The following DGAT1 variants were observed in gnomAD, a reference collection of about 807,000 sequenced individuals.
DGAT1 encodes the protein diacylglycerol O-acyltransferase 1, also known as ACAT related gene product 1.
DGAT1 carries 60 observed loss-of-function variants against 72.6 expected under a neutral mutation model. The observed-to-expected ratio is 0.83, with a 90% CI of 0.67 to 1.02. The LOEUF is 1.02. Ranked by LOEUF, DGAT1 falls within the 50% of genes least tolerant of loss-of-function variation. The pLI, the probability that DGAT1 is intolerant of heterozygous loss-of-function variation, is 0.00. For missense variants in DGAT1, 592 were observed against 670.0 expected (o/e 0.88, Z 1.29); for synonymous variants, 290 against 267.5 (o/e 1.08, Z -0.82).
intron 2 of DGAT1, among the ~76,000 whole-genome samples, chr8:144,321,094 G>A (rs544984706): frequency 6.6e-6 from 1 of 152,344 alleles, no homozygotes; most frequent in African/African-American, 2.4e-5. Flanking sequence ...CAAGTATGTG[G>A]TGCATGGGCA....
At position 144,316,118 on chromosome 8, in the gene DGAT1, G is replaced by A. The variant is rs1431287497; in HGVS notation, c.*436C>T. ...TTCTAGGTAGGGGAGTGTGGGGAATGGGGGCGTCTGCCTGGCCTTGCACTC... is the reference window on the plus strand; with the variant it reads ...TTCTAGGTAGGGGAGTGTGGGGAATAGGGGCGTCTGCCTGGCCTTGCACTC... On this transcript the variant is annotated 3_prime_UTR_variant, in exon 17 of 17. Coordinates refer to ENST00000528718, the MANE Select transcript of DGAT1 (RefSeq NM_012079.6). 1.4e-5 allele frequency: 3 copies of A among 212,820 alleles called. No individual in the cohort carries two copies. The highest frequency in any genetic ancestry group is 5.5e-5 in the Admixed American group (1 of 18,232). The allele number at this position is 212,820 out of a possible 1,614,324, so 13.2% of individuals were successfully genotyped here.
chr8:144,321,530 A>C, intron 1 of DGAT1, 122 bp from the exon 2 acceptor site: 1 of 860,206 alleles, frequency 1.2e-6, no homozygotes, highest in Non-Finnish European at 1.9e-6. Flanking sequence ...CTTATTTACA[A>C]CCAGGAGGAG....
In DGAT1 at chr8:144,318,131, G is replaced by A; in HGVS notation, c.715C>T (p.His239Tyr). Residue 239 changes from histidine (H) to tyrosine (Y), a missense_variant, in exon 8 of 17, where the codon CAC becomes TAC. His to Tyr is a moderately conservative substitution (Grantham distance 83, BLOSUM62 2). Coordinates refer to ENST00000528718, the MANE Select transcript of DGAT1 (RefSeq NM_012079.6). ...AGATTGTCCGGGTAGCTCACGGTGT[G>A]CGGGGCAGCAGCACTGCTGGCCTTC... ...GKKASSAAAP[H>Y]TVSYPDNLTY... is the part of the protein sequence containing the mutation. 1 of 1,554,790 alleles carries A rather than the reference G, an allele frequency of 6.4e-7. No individual in the cohort carries two copies. Among genetic ancestry groups the A allele is most frequent in the African/African-American group, 1.4e-5 (1 of 73,178 alleles).
intron 1 of DGAT1, among the ~76,000 whole-genome samples, chr8:144,323,170 G>A (rs577848558): frequency 6.6e-6 from 1 of 152,328 alleles, no homozygotes; most frequent in African/African-American, 2.4e-5. Flanking sequence ...TTTCACAGCA[G>A]TATGACCCCT....
chr8:144,319,717 C>T (rs1554847904), intron 2 of DGAT1, among the ~76,000 whole-genome samples: 1 of 152,192 alleles, frequency 6.6e-6, no homozygotes, highest in African/African-American at 2.4e-5. Flanking sequence ...GACTGAGCCC[C>T]CATGGAATAA....
At chr8:144,321,499 G>A (rs1030841601) in intron 1 of DGAT1, 91 bp from the exon 2 acceptor site, 91 of 1,183,760 alleles carry the variant, frequency 7.7e-5, no homozygotes, top group Middle Eastern at 2.0e-4. Flanking sequence ...CAGTGTCCTC[G>A]TCTGCCCTCA....
In DGAT1 at chr8:144,315,346, A is replaced by C. The variant is rs1817163975; in HGVS notation, c.*1208T>G. On this transcript the variant is annotated 3_prime_UTR_variant, in exon 17 of 17. Transcript: ENST00000528718. Reference sequence around the variant, plus strand: ...GGCCCACCAGCCCCCACTGGGGTAGAGGGAGGATACCACCAAGGGAGCCCA... The same window carrying C: ...GGCCCACCAGCCCCCACTGGGGTAGCGGGAGGATACCACCAAGGGAGCCCA... The C allele has an allele frequency of 4.1e-6, 4 of 985,366 alleles. No individual in the cohort carries two copies. Among genetic ancestry groups the C allele is most frequent in the Non-Finnish European group, 2.4e-6 (2 of 829,976 alleles). The allele number at this position is 985,366 out of a possible 1,614,324, so 61.0% of individuals were successfully genotyped here. A position where few individuals can be genotyped will look rare whatever the true frequency, so the allele number is the denominator to read the frequency against.
At position 144,317,598 on chromosome 8, in the gene DGAT1, C is replaced by A; in HGVS notation, c.937-10G>T. The A allele has an allele frequency of 6.8e-6, 11 of 1,613,916 alleles. No homozygotes were observed. The highest frequency in any genetic ancestry group is 9.3e-6 in the Non-Finnish European group (11 of 1,180,024). On this transcript the variant is annotated splice_polypyrimidine_tract_variant and intron_variant, in intron 11 of 16. Coordinates refer to ENST00000528718, the MANE Select transcript of DGAT1 (RefSeq NM_012079.6). ...GTGAGTAGTCCATGTCCTGCAGAAA[C>A]AAGCCCTTCAGCTAGCCATGCTCCT... is the stretch of plus-strand genomic sequence containing the variant.
chr8:144,318,383 G>C (rs782071957), intron 6 of DGAT1, 21 bp from the exon 7 acceptor site: 2 of 1,609,392 alleles, frequency 1.2e-6, no homozygotes, highest in Non-Finnish European at 1.7e-6. Context: ...GGTGGACTCA[G>C]GCCTCCACAG....
In DGAT1 at chr8:144,318,090, C is replaced by G; in HGVS notation, c.751+5G>C. The stretch of plus-strand genomic sequence containing the variant: ...CCCGCACCTCAGGCCCACAGAGGTC[C>G]TCACCGCGGTAGGTCAGATTGTCCG... On this transcript the variant is annotated splice_donor_5th_base_variant and intron_variant, in intron 8 of 16. Transcript: ENST00000528718. 6.5e-7 allele frequency: 1 copy of G among 1,527,234 alleles called. No homozygotes were observed. Among genetic ancestry groups the G allele is most frequent in the Non-Finnish European group, 8.8e-7 (1 of 1,138,364 alleles). 94.6% of individuals were successfully genotyped at this position (1,527,234 alleles called of 1,614,324 possible).
rs782498938 is a variant in DGAT1, at chr8:144,317,345, T to C, written c.1082A>G (p.Tyr361Cys). The C allele has an allele frequency of 1.2e-6, 2 of 1,613,580 alleles. No homozygotes were observed. The highest frequency in any genetic ancestry group is 1.7e-6 in the Non-Finnish European group (2 of 1,179,884). Reference protein sequence around the residue: ...ELMQFGDREFYRDWWNSESVT... With the variant: ...ELMQFGDREFCRDWWNSESVT... ...CAGGGACACTCACCACCAGTCCCGG[T>C]AGAACTCCCGGTCTCCAAACTGCAT... is the stretch of plus-strand genomic sequence containing the variant. Residue 361 changes from tyrosine (Y) to cysteine (C), a missense_variant, in exon 13 of 17, where the codon TAC becomes TGC. Tyr to Cys is a radical substitution (Grantham distance 194). Coordinates refer to ENST00000528718, the MANE Select transcript of DGAT1 (RefSeq NM_012079.6).
In DGAT1 at chr8:144,314,810, G is replaced by A. The variant is rs553733937; in HGVS notation, c.*1744C>T. 9.6e-6 allele frequency: 7 copies of A among 726,236 alleles called. No homozygotes were observed. The highest frequency in any genetic ancestry group is 5.7e-5 in the Admixed American group (1 of 17,602). The allele number at this position is 726,236 out of a possible 1,614,324, so 45.0% of individuals were successfully genotyped here. A position where few individuals can be genotyped will look rare whatever the true frequency, so the allele number is the denominator to read the frequency against. The stretch of plus-strand genomic sequence containing the variant: ...GCCCAGGGCACAGAAGGGCCGGGCT[G>A]CAGTGGCCTCCTGGGGGAAGACGGA... On this transcript the variant is annotated 3_prime_UTR_variant, in exon 17 of 17. Transcript: ENST00000528718.
intron 12 of DGAT1, 23 bp downstream of exon 12, chr8:144,317,521 A>G (rs1161323103): frequency 3.1e-6 from 5 of 1,613,678 alleles, no homozygotes; most frequent in African/African-American, 2.7e-5. Context: ...TGTCCTGTGC[A>G]TGCGCCACCT....
rs782707652 is a variant in DGAT1 at position 144,318,096 on chromosome 8, G to T, written c.750C>A (p.Arg250=). 2.6e-6 allele frequency: 4 copies of T among 1,530,056 alleles called. No individual in the cohort carries two copies. The highest frequency in any genetic ancestry group is 4.5e-5 in the East Asian group (2 of 44,208). The allele number at this position is 1,530,056 out of a possible 1,614,324, so 94.8% of individuals were successfully genotyped here. A position where few individuals can be genotyped will look rare whatever the true frequency, so the allele number is the denominator to read the frequency against. The change falls in exon 8 of 17, where the codon CGC becomes CGA. Residue 250 remains arginine (R), a splice_region_variant and synonymous_variant. Transcript: ENST00000528718. ...TVSYPDNLTY[R]DLYYFLFAPT... is the part of the protein sequence containing the mutation. Reference sequence around the variant, plus strand: ...CCTCAGGCCCACAGAGGTCCTCACCGCGGTAGGTCAGATTGTCCGGGTAGC... The same window carrying T: ...CCTCAGGCCCACAGAGGTCCTCACCTCGGTAGGTCAGATTGTCCGGGTAGC...
chr8:144,319,084 A>G lies in DGAT1; in HGVS notation c.289-16T>C. 1 of 1,552,288 alleles carries G rather than the reference A, an allele frequency of 6.4e-7. No homozygotes were observed. Among genetic ancestry groups the G allele is most frequent in the Non-Finnish European group, 8.7e-7 (1 of 1,147,580 alleles). ...TGCTCAAGATCTGCGAGGGATGGAC[A>G]GGAGGGTGCAGCCCCTTTAGTCCTG... On this transcript the variant is annotated splice_polypyrimidine_tract_variant and intron_variant, in intron 2 of 16. Transcript: ENST00000528718.
At chr8:144,319,338 C>G (rs1554847847) in intron 2 of DGAT1, among the ~76,000 whole-genome samples, 2 of 152,182 alleles carry the variant, frequency 1.3e-5, no homozygotes, top group Non-Finnish European at 2.9e-5. Context: ...CCAGACCAAC[C>G]AACCCTGCCA....
chr8:144,318,811 G>A lies in DGAT1; in HGVS notation c.415+24C>T, dbSNP rs576590068. ...CCACGTCAGCCTGATCCCCACCCGA[G>A]GCCCTCCTCAGAGCCCAGCTCACCA... On this transcript the variant is annotated intron_variant, in intron 4 of 16. Coordinates refer to ENST00000528718, the MANE Select transcript of DGAT1 (RefSeq NM_012079.6). The A allele has an allele frequency of 6.8e-5, 109 of 1,609,422 alleles. 3 individuals are homozygous for A. The South Asian group carries it at 1.2e-3, about 17-fold the overall frequency.
rs1213669784 is a variant in DGAT1 at position 144,316,387 on chromosome 8, C to T, written c.*167G>A. On this transcript the variant is annotated 3_prime_UTR_variant, in exon 17 of 17. Coordinates refer to ENST00000528718, the MANE Select transcript of DGAT1 (RefSeq NM_012079.6). ...CTGTGTCTGGCCTGCTGTCGCCATC[C>T]CTGAGGGGTGCAGGACAGAGCCCCA... The T allele has an allele frequency of 3.4e-6, 3 of 872,966 alleles. No homozygotes were observed. The highest frequency in any genetic ancestry group is 5.1e-6 in the Non-Finnish European group (3 of 588,952). 54.1% of individuals were successfully genotyped at this position (872,966 alleles called of 1,614,324 possible).
At chr8:144,317,515 C>G in intron 12 of DGAT1, 29 bp downstream of exon 12, 2 of 1,613,818 alleles carry the variant, frequency 1.2e-6, no homozygotes, top group East Asian at 4.5e-5. Context: ...CCCTCCTGTC[C>G]TGTGCATGCG....
Sources: allele counts gnomAD v4.1 joint callset (sites outside exome capture counted in the v4.1 genomes callset), GRCh38; gene constraint gnomAD v4.1.1; transcripts MANE v1.5; gene names NCBI Gene and HGNC (gene_info 2026-07-23, HGNC 2026-07-21).